Variants in CNTNAP2 observed in about 807,000 individuals in gnomAD.
CNTNAP2 encodes contactin-associated protein-like 2.
In CNTNAP2, 98 loss-of-function variants were observed where a neutral mutation model predicts 155.2. The ratio of observed to expected loss-of-function variants is 0.63; its 90% CI spans 0.54 to 0.75. CNTNAP2 has a LOEUF of 0.75. Ranked by LOEUF, CNTNAP2 falls within the 30% of genes least tolerant of loss-of-function variation. CNTNAP2 has a pLI of 0.00. For missense variants in CNTNAP2, 1,727 were observed against 1,688.1 expected (o/e 1.02, Z -0.40); for synonymous variants, 651 against 631.2 (o/e 1.03, Z -0.47).
chr7:146,877,615 A>G (rs963568145), intron 3 of CNTNAP2, among the ~76,000 whole-genome samples: 12 of 139,782 alleles, frequency 8.6e-5, no homozygotes, highest in Non-Finnish European at 8.1e-5. Context: ...TATACTATAT[A>G]TGTGTGTGTA....
intron 8 of CNTNAP2, among the ~76,000 whole-genome samples, chr7:147,243,292 G>A (rs1035856164): frequency 6.6e-5 from 10 of 151,602 alleles, no homozygotes; most frequent in East Asian, 1.9e-4. Flanking sequence ...CACCGCACCC[G>A]GCCTGCTTTG....
intron 13 of CNTNAP2, among the ~76,000 whole-genome samples, chr7:147,661,020 C>G (rs1795601009): frequency 6.6e-6 from 1 of 152,108 alleles, no homozygotes; most frequent in Admixed American, 6.6e-5. Context: ...TATACCCAGA[C>G]TTCTGTTTGC....
intron 11 of CNTNAP2, among the ~76,000 whole-genome samples, chr7:147,529,128 T>C (rs1799384807): frequency 6.6e-6 from 1 of 152,202 alleles, no homozygotes; most frequent in South Asian, 2.1e-4. Context: ...CCTTGAGAGC[T>C]TGTAGATTCT....
At position 147,723,955 on chromosome 7, in the gene CNTNAP2, C is replaced by A. The variant is rs936051112; in HGVS notation, c.2098+84649C>A. 5.9e-5 allele frequency among the ~76,000 whole-genome samples: 9 copies of A among 152,046 alleles called. No homozygotes were observed. In the South Asian group the frequency reaches 8.3e-4, roughly 14 times the overall value. ...AGGCTTCTGCCACCTCCACAGAATG[C>A]TTTTTGGTTCTCTCTGTGATCTGCA... On this transcript the variant is annotated intron_variant, in intron 13 of 23. Coordinates refer to ENST00000361727, the MANE Select transcript of CNTNAP2 (RefSeq NM_014141.6).
At chr7:147,069,643 G>A (rs963482204) in intron 4 of CNTNAP2, among the ~76,000 whole-genome samples, 4 of 152,174 alleles carry the variant, frequency 2.6e-5, no homozygotes, top group Non-Finnish European at 4.4e-5. Flanking sequence ...TAGAGATTGA[G>A]TAAAGATATA....
chr7:148,239,483 T>C (rs913522538), intron 20 of CNTNAP2, among the ~76,000 whole-genome samples: 3 of 152,184 alleles, frequency 2.0e-5, no homozygotes, highest in Non-Finnish European at 4.4e-5. Flanking sequence ...TCATTTTTTC[T>C]TCTATATTTC....
At chr7:148,276,245 A>G (rs955847177) in intron 21 of CNTNAP2, among the ~76,000 whole-genome samples, 2 of 152,186 alleles carry the variant, frequency 1.3e-5, no homozygotes, top group South Asian at 2.1e-4. Flanking sequence ...CGATTTGAAT[A>G]TAAGAAGTTT....
intron 1 of CNTNAP2, among the ~76,000 whole-genome samples, chr7:146,175,885 C>T (rs1027927315): frequency 6.6e-6 from 1 of 151,960 alleles, no homozygotes; most frequent in Non-Finnish European, 1.5e-5. Flanking sequence ...TCTATTGTTG[C>T]ATCACTGGCC....
At chr7:146,220,899 G>C (rs1001829584) in intron 1 of CNTNAP2, among the ~76,000 whole-genome samples, 13 of 152,196 alleles carry the variant, frequency 8.5e-5, no homozygotes, top group African/African-American at 1.4e-4. Flanking sequence ...ACTGCTTTCT[G>C]TTCACCTTCC....
chr7:148,091,567 T>A (rs1297012484), intron 15 of CNTNAP2, among the ~76,000 whole-genome samples: 2 of 152,166 alleles, frequency 1.3e-5, no homozygotes, highest in African/African-American at 4.8e-5. Flanking sequence ...GATTAAAAAA[T>A]GTCAACAAAT....
chr7:148,151,504 C>G (rs573336324), intron 17 of CNTNAP2, among the ~76,000 whole-genome samples: 142 of 152,198 alleles, frequency 9.3e-4, no homozygotes, highest in Non-Finnish European at 7.5e-4. Context: ...CCATGTTGGC[C>G]AGGCTGGTCT....
At chr7:146,695,299 G>A (rs1006581370) in intron 1 of CNTNAP2, among the ~76,000 whole-genome samples, 7 of 152,106 alleles carry the variant, frequency 4.6e-5, no homozygotes, top group African/African-American at 1.2e-4. Context: ...TATGAGAAAT[G>A]TGTGTTGGAT....
At chr7:147,821,580 G>A (rs1434007186) in intron 13 of CNTNAP2, among the ~76,000 whole-genome samples, 2 of 152,184 alleles carry the variant, frequency 1.3e-5, no homozygotes, top group Non-Finnish European at 2.9e-5. Flanking sequence ...AAGTCCTGGA[G>A]AAGGTCTTCC....
At chr7:148,400,848 C>T (rs1174885293) in intron 22 of CNTNAP2, among the ~76,000 whole-genome samples, 10 of 151,914 alleles carry the variant, frequency 6.6e-5, no homozygotes, top group African/African-American at 1.7e-4. Flanking sequence ...GGCATGGTGG[C>T]GCATGCCTGT....
At chr7:148,372,572 G>A (rs1055673079) in intron 21 of CNTNAP2, among the ~76,000 whole-genome samples, 1 of 152,046 alleles carries the variant, frequency 6.6e-6, no homozygotes, top group Admixed American at 6.6e-5. Flanking sequence ...GCCTGGTGTG[G>A]TGGCATATGC....
chr7:147,576,110 A>ATT (rs11448831), intron 12 of CNTNAP2, among the ~76,000 whole-genome samples: 2 of 151,386 alleles, frequency 1.3e-5, no homozygotes, highest in African/African-American at 4.8e-5. Context: ...TTATTTGAAA[A>ATT]TTTTTTTCTT....
chr7:146,172,228 G>A (rs1278209664), intron 1 of CNTNAP2, among the ~76,000 whole-genome samples: 2 of 151,884 alleles, frequency 1.3e-5, no homozygotes, highest in African/African-American at 4.8e-5. Context: ...GCTGGGATAG[G>A]ATGCCTCCCA....
chr7:146,491,319 A>G (rs1010579414), intron 1 of CNTNAP2, among the ~76,000 whole-genome samples: 9 of 152,228 alleles, frequency 5.9e-5, no homozygotes, highest in Non-Finnish European at 1.2e-4. Context: ...CTTCTCTGGT[A>G]TAATAACATA....
intron 2 of CNTNAP2, among the ~76,000 whole-genome samples, chr7:146,827,604 G>A (rs981622026): frequency 2.6e-5 from 4 of 151,666 alleles, no homozygotes; most frequent in African/African-American, 9.7e-5. Flanking sequence ...AAGAAATTAT[G>A]CCTAATTAAC....
Sources: allele counts gnomAD v4.1 joint callset (sites outside exome capture counted in the v4.1 genomes callset), GRCh38; gene constraint gnomAD v4.1.1; transcripts MANE v1.5; gene names NCBI Gene and HGNC (gene_info 2026-07-23, HGNC 2026-07-21).